ROBO1: variants seen among roughly 807,000 people sequenced by gnomAD.
ROBO1 encodes roundabout guidance receptor 1.
ROBO1 carries 149 observed loss-of-function variants against 195.9 expected under a neutral mutation model. That is an observed-to-expected ratio of 0.76 (90% CI 0.67 to 0.87). The LOEUF (loss-of-function observed/expected upper bound fraction) is 0.87, where lower values mean the gene tolerates loss of function less well. ROBO1 is among the 40% of genes least tolerant of loss of function. The probability of loss-of-function intolerance (pLI) is 0.00; values close to 1 mark genes in which losing one functional copy is unlikely to be tolerated. For synonymous variants in ROBO1, 816 were observed against 733.2 expected, an observed-to-expected ratio of 1.11 and a Z score of -1.82; for missense variants, 1,933 against 2,068.3, an observed-to-expected ratio of 0.93 and a Z score of 1.27.
At chr3:79,363,475 G>T (rs929516569) in intron 2 of ROBO1, among the ~76,000 whole-genome samples, 1 of 152,096 alleles carries the variant, frequency 6.6e-6, no homozygotes, top group Non-Finnish European at 1.5e-5. Flanking sequence ...TTTTTACATA[G>T]ACTATCCTTG....
At chr3:78,624,334 T>C (rs1704629295) in intron 26 of ROBO1, among the ~76,000 whole-genome samples, 1 of 152,140 alleles carries the variant, frequency 6.6e-6, no homozygotes, top group Admixed American at 6.6e-5. Flanking sequence ...ACATTAATCA[T>C]AAAAAAGCAG....
chr3:79,179,244 G>A (rs1293252156), intron 2 of ROBO1, among the ~76,000 whole-genome samples: 1 of 152,104 alleles, frequency 6.6e-6, no homozygotes, highest in Non-Finnish European at 1.5e-5. Flanking sequence ...ACTAGTTTAG[G>A]TCAATTTAGT....
intron 3 of ROBO1, among the ~76,000 whole-genome samples, chr3:79,029,793 T>C (rs909161460): frequency 6.6e-6 from 1 of 152,200 alleles, no homozygotes; most frequent in Non-Finnish European, 1.5e-5. Context: ...TCAGCCTTTC[T>C]TTACATATCA....
At chr3:79,425,792 G>C (rs574612084) in intron 2 of ROBO1, among the ~76,000 whole-genome samples, 8 of 151,786 alleles carry the variant, frequency 5.3e-5, no homozygotes, top group African/African-American at 1.9e-4. Context: ...ACAGAAAACC[G>C]AGTGACCATT....
At chr3:79,099,494 C>T (rs1447016727) in intron 3 of ROBO1, among the ~76,000 whole-genome samples, 1 of 151,488 alleles carries the variant, frequency 6.6e-6, no homozygotes, top group Non-Finnish European at 1.5e-5. Context: ...AAGGTAAGGG[C>T]CATTTTTGAG....
chr3:79,058,571 C>T (rs550409850), intron 3 of ROBO1, among the ~76,000 whole-genome samples: 4 of 152,182 alleles, frequency 2.6e-5, no homozygotes, highest in East Asian at 1.9e-4. Flanking sequence ...TTCTGCTTTG[C>T]TTACCTCCAA....
At chr3:79,116,664 C>T (rs1559671931) in intron 3 of ROBO1, among the ~76,000 whole-genome samples, 1 of 151,676 alleles carries the variant, frequency 6.6e-6, no homozygotes, top group Non-Finnish European at 1.5e-5. Context: ...ATTACAGACA[C>T]CCACCACCAC....
chr3:78,641,119 T>G (rs1705922627), intron 21 of ROBO1, among the ~76,000 whole-genome samples: 1 of 152,110 alleles, frequency 6.6e-6, no homozygotes, highest in African/African-American at 2.4e-5. Flanking sequence ...TTTGTTTGTT[T>G]GTTTGTTTGT....
intron 4 of ROBO1, among the ~76,000 whole-genome samples, chr3:78,840,241 A>G (rs2033087046): frequency 6.6e-6 from 1 of 152,188 alleles, no homozygotes; most frequent in South Asian, 2.1e-4. Flanking sequence ...AGGTTTAAAA[A>G]CAAAATGCTG....
intron 4 of ROBO1, among the ~76,000 whole-genome samples, chr3:78,833,375 C>A (rs1186185259): frequency 6.6e-6 from 1 of 152,046 alleles, no homozygotes; most frequent in Non-Finnish European, 1.5e-5. Context: ...GTTGCACTCA[C>A]AACAGATATA....
intron 1 of ROBO1, among the ~76,000 whole-genome samples, chr3:79,634,729 G>A (rs1052830101): frequency 2.6e-5 from 4 of 152,010 alleles, no homozygotes; most frequent in Admixed American, 2.6e-4. Flanking sequence ...TAAACAGGTT[G>A]AAAAAATACA....
chr3:78,768,648 CTT>C (rs71631617), intron 4 of ROBO1, among the ~76,000 whole-genome samples: 9,272 of 145,996 alleles, frequency 0.064, 321 homozygotes, highest in Middle Eastern at 0.12. Flanking sequence ...GCAGTATGTT[CTT>C]TTTTTTTTTT....
chr3:78,607,180 G>T, intron 28 of ROBO1, 139 bp from the exon 29 acceptor site: 1 of 782,146 alleles, frequency 1.3e-6, no homozygotes, highest in Non-Finnish European at 2.0e-6. Flanking sequence ...GGTAACCAAG[G>T]AAAAATACCC....
chr3:78,847,230 ACTT>A (rs1438693725), intron 4 of ROBO1, among the ~76,000 whole-genome samples: 2 of 152,170 alleles, frequency 1.3e-5, no homozygotes, highest in African/African-American at 4.8e-5. Flanking sequence ...ATGGAATATA[ACTT>A]CTTAAGAAAC....
intron 2 of ROBO1, among the ~76,000 whole-genome samples, chr3:79,537,500 G>C (rs1941917738): frequency 6.6e-6 from 1 of 152,108 alleles, no homozygotes; most frequent in African/African-American, 2.4e-5. Context: ...GGGCAGCTCT[G>C]TCGGGACTAA....
At chr3:78,770,006 A>G (rs1469102021) in intron 4 of ROBO1, among the ~76,000 whole-genome samples, 1 of 152,068 alleles carries the variant, frequency 6.6e-6, no homozygotes, top group African/African-American at 2.4e-5. Context: ...ACAGCTCTTG[A>G]GATTCTTTCC....
intron 2 of ROBO1, among the ~76,000 whole-genome samples, chr3:79,315,559 T>C (rs183724141): frequency 6.6e-6 from 1 of 152,280 alleles, no homozygotes; most frequent in East Asian, 1.9e-4. Context: ...AAAGTGGGAA[T>C]GAGAACTTAA....
intron 1 of ROBO1, among the ~76,000 whole-genome samples, chr3:79,619,629 C>T (rs1009638225): frequency 2.0e-5 from 3 of 152,114 alleles, no homozygotes; most frequent in African/African-American, 7.2e-5. Context: ...GTGGCTAGAG[C>T]TGAAGGCATA....
intron 1 of ROBO1, among the ~76,000 whole-genome samples, chr3:79,672,563 T>C (rs762610177): frequency 2.0e-5 from 3 of 151,968 alleles, no homozygotes; most frequent in Admixed American, 6.6e-5. Flanking sequence ...TAAACTCTTA[T>C]TTTTTAGTTA....
Sources: gnomAD v4.1 joint callset for allele counts (sites outside exome capture counted in the v4.1 genomes callset) on GRCh38, gnomAD v4.1.1 for gene constraint, MANE v1.5 for transcripts, NCBI Gene and HGNC (gene_info 2026-07-23, HGNC 2026-07-21) for gene names.